Variants in NBDY observed in about 807,000 individuals in gnomAD.
NBDY encodes the protein negative regulator of P-body association.
intron 2 of NBDY, among the ~76,000 whole-genome samples, chrX:56,795,564 G>T (rs1159129282): frequency 2.7e-5 from 3 of 111,992 alleles, no homozygotes; most frequent in Admixed American, 9.4e-5. Flanking sequence ...GGCTGCACTG[G>T]GAACAGGCAG....
intron 2 of NBDY, among the ~76,000 whole-genome samples, chrX:56,798,541 G>A (rs780605869): frequency 2.1e-4 from 24 of 112,034 alleles, no homozygotes; most frequent in African/African-American, 6.8e-4. Flanking sequence ...GCCAGCCCAA[G>A]GCGGTAAACT....
At chrX:56,788,985 G>A (rs1471852614) in intron 2 of NBDY, among the ~76,000 whole-genome samples, 1 of 112,636 alleles carries the variant, frequency 8.9e-6, no homozygotes, top group Non-Finnish European at 1.9e-5. Flanking sequence ...CCTGGCAGAA[G>A]GCGAGTGTCC....
At chrX:56,804,553 C>A (rs1185735949) in intron 2 of NBDY, among the ~76,000 whole-genome samples, 3 of 112,428 alleles carry the variant, frequency 2.7e-5, no homozygotes, top group African/African-American at 6.5e-5. Flanking sequence ...TAGCCAGGCC[C>A]CAGCCATGCT....
At chrX:56,743,567 A>G (rs1402586887) in intron 2 of NBDY, among the ~76,000 whole-genome samples, 1 of 110,976 alleles carries the variant, frequency 9.0e-6, no homozygotes, top group Non-Finnish European at 1.9e-5. Context: ...TTATTGGCAT[A>G]TAGTTGCTCA....
intron 2 of NBDY, among the ~76,000 whole-genome samples, chrX:56,765,632 G>A (rs2069661592): frequency 9.0e-6 from 1 of 110,827 alleles, no homozygotes; most frequent in South Asian, 3.8e-4. Flanking sequence ...CTCACTTCCT[G>A]TTCTCCTTCT....
intron 2 of NBDY, among the ~76,000 whole-genome samples, chrX:56,766,621 GGAGACA>G (rs1169554405): frequency 8.9e-6 from 1 of 112,025 alleles, no homozygotes; most frequent in Non-Finnish European, 1.9e-5. Flanking sequence ...AAGGGGAAAG[GGAGACA>G]GAGGAGCATT....
At chrX:56,756,037 A>G (rs2069609230) in intron 2 of NBDY, among the ~76,000 whole-genome samples, 1 of 106,399 alleles carries the variant, frequency 9.4e-6, no homozygotes, top group African/African-American at 3.4e-5. Context: ...AAACTATCAT[A>G]AGGACAAAAA....
intron 2 of NBDY, among the ~76,000 whole-genome samples, chrX:56,766,666 A>G (rs1313742877): frequency 3.6e-5 from 4 of 111,789 alleles, no homozygotes; most frequent in Non-Finnish European, 1.9e-5. Context: ...TCATTATGCC[A>G]TTTATTGGGC....
chrX:56,752,734 G>C (rs755223476), intron 2 of NBDY, among the ~76,000 whole-genome samples: 33 of 110,793 alleles, frequency 3.0e-4, no homozygotes, highest in Admixed American at 7.7e-4. Context: ...CTCAGCCTCC[G>C]AGTAGCTGGG....
intron 2 of NBDY, among the ~76,000 whole-genome samples, chrX:56,735,892 C>G (rs1233304853): frequency 4.2e-5 from 3 of 71,865 alleles, no homozygotes; most frequent in Admixed American, 3.4e-4. Flanking sequence ...TTGAACCAGA[C>G]AAAAGAAAAT....
At chrX:56,794,705 G>C (rs1169406169) in intron 2 of NBDY, among the ~76,000 whole-genome samples, 1 of 111,990 alleles carries the variant, frequency 8.9e-6, no homozygotes, top group Non-Finnish European at 1.9e-5. Context: ...GTGGGCCCCT[G>C]CCGATTCCTC....
At position 56,817,597 on chromosome X, in the gene NBDY, C is replaced by T. The variant is rs1221607424; in HGVS notation, c.*444C>T. 2.7e-5 allele frequency: 3 copies of T among 112,259 alleles called. No homozygotes were observed. Among genetic ancestry groups the T allele is most frequent in the African/African-American group, 9.7e-5 (3 of 30,922 alleles). 9.3% of individuals were successfully genotyped at this position (112,259 alleles called of 1,213,427 possible). On this transcript the variant is annotated 3_prime_UTR_variant, in exon 3 of 3. Transcript: ENST00000374922. ...GCGCTGTGTTAGATCTATATGACTACATCTAGTAAATTGTGAATTTTAAGT... is the reference window on the plus strand; with the variant it reads ...GCGCTGTGTTAGATCTATATGACTATATCTAGTAAATTGTGAATTTTAAGT...
In NBDY at chrX:56,748,578, A is replaced by T. The variant is rs189019992; in HGVS notation, c.*166+16379A>T. Among the ~76,000 whole-genome samples, 313 of 108,511 alleles carry T rather than the reference A, an allele frequency of 2.9e-3. 1 individual carries two copies. Among genetic ancestry groups the T allele is most frequent in the African/African-American group, 0.01 (299 of 29,790 alleles). 94.2% of individuals were successfully genotyped at this position (108,511 alleles called of 115,157 possible). A position where few individuals can be genotyped will look rare whatever the true frequency, so the allele number is the denominator to read the frequency against. ...GAGAAGGAAATTCTGGGGACCACTA[A>T]CATTTAAGGATTATCTAGAGAAAGA... On this transcript the variant is annotated intron_variant, in intron 2 of 2. Coordinates refer to ENST00000374922, the MANE Select transcript of NBDY (RefSeq NM_001348129.2).
chrX:56,740,787 T>C (rs2069528523), intron 2 of NBDY, among the ~76,000 whole-genome samples: 1 of 111,297 alleles, frequency 9.0e-6, no homozygotes, highest in Admixed American at 9.6e-5. Context: ...ATATGAGATG[T>C]TTTGATACAT....
In NBDY at chrX:56,791,667, T is replaced by C. The variant is rs188293994; in HGVS notation, c.*167-25653T>C. 2.3e-4 allele frequency among the ~76,000 whole-genome samples: 26 copies of C among 112,183 alleles called. No homozygotes were observed. In the East Asian group the frequency reaches 7.3e-3, roughly 31 times the overall value. ...GGCTCCTTGTTCCTCATTATGTATGTCACCATGCATTGACGTCTTCCTGAA... is the reference window on the plus strand; with the variant it reads ...GGCTCCTTGTTCCTCATTATGTATGCCACCATGCATTGACGTCTTCCTGAA... On this transcript the variant is annotated intron_variant, in intron 2 of 2. Coordinates refer to ENST00000374922, the MANE Select transcript of NBDY (RefSeq NM_001348129.2).
chrX:56,743,219 G>C (rs745397237), intron 2 of NBDY, among the ~76,000 whole-genome samples: 4 of 110,638 alleles, frequency 3.6e-5, no homozygotes, highest in Non-Finnish European at 7.6e-5. Flanking sequence ...CTAGTAGTGT[G>C]TTGAAGATGT....
chrX:56,799,542 G>A (rs913991220), intron 2 of NBDY, among the ~76,000 whole-genome samples: 1 of 113,233 alleles, frequency 8.8e-6, no homozygotes. Flanking sequence ...CTGAACCCCA[G>A]TGGGGGAAAC....
intron 2 of NBDY, among the ~76,000 whole-genome samples, chrX:56,807,373 G>A (rs2069857540): frequency 9.0e-6 from 1 of 111,374 alleles, no homozygotes; most frequent in Admixed American, 9.5e-5. Context: ...TAGCTTGATG[G>A]GGATAGCATT....
At chrX:56,732,810 C>T (rs1276088052) in intron 2 of NBDY, among the ~76,000 whole-genome samples, 5 of 111,204 alleles carry the variant, frequency 4.5e-5, no homozygotes, top group Non-Finnish European at 9.4e-5. Flanking sequence ...AGTTTTTTCC[C>T]GTCTATATGT....
Sources: allele counts gnomAD v4.1 joint callset (sites outside exome capture counted in the v4.1 genomes callset), GRCh38; gene constraint gnomAD v4.1.1; transcripts MANE v1.5; gene names NCBI Gene and HGNC (gene_info 2026-07-23, HGNC 2026-07-21).